The following CCDC144A variants were observed in gnomAD, a reference collection of about 807,000 sequenced individuals.
CCDC144A encodes the protein coiled-coil domain containing 144A.
A neutral mutation model predicts 143.8 loss-of-function variants in CCDC144A; 41 were observed. That is an observed-to-expected ratio of 0.29 (90% CI 0.22 to 0.37). The LOEUF is 0.37. Among genes scored for constraint, CCDC144A ranks in the 10% least tolerant of loss-of-function variants. The probability of loss-of-function intolerance (pLI) is 1.00; values close to 1 mark genes in which losing one functional copy is unlikely to be tolerated. For synonymous variants in CCDC144A, 242 were observed against 517.9 expected, an observed-to-expected ratio of 0.47 and a Z score of 7.23; for missense variants, 637 against 1,488.8, an observed-to-expected ratio of 0.43 and a Z score of 9.41.
chr17:16,713,764 AG>A (rs1162602110), intron 6 of CCDC144A, among the ~76,000 whole-genome samples: 4 of 152,224 alleles, frequency 2.6e-5, no homozygotes, highest in African/African-American at 9.6e-5. Flanking sequence ...AAACTTTTAA[AG>A]GGTAAAAATA....
intron 9 of CCDC144A, among the ~76,000 whole-genome samples, chr17:16,729,975 T>C (rs1913649384): frequency 7.4e-6 from 1 of 134,304 alleles, no homozygotes; most frequent in Non-Finnish European, 1.6e-5. Context: ...TATATATATA[T>C]ATATATATAT....
the CCDC144A span, among the ~76,000 whole-genome samples, chr17:16,671,189 G>T: frequency 7.2e-5 from 11 of 151,980 alleles, no homozygotes; most frequent in Non-Finnish European, 1.5e-4. Flanking sequence ...TGCCATGTTG[G>T]CCAGGTTGGT....
chr17:16,725,513 A>C (rs1913365078), intron 8 of CCDC144A, among the ~76,000 whole-genome samples: 1 of 151,600 alleles, frequency 6.6e-6, no homozygotes, highest in South Asian at 2.1e-4. Flanking sequence ...ATATGGCATA[A>C]GAAAATTATG....
chr17:16,771,117 T>A (rs1203677814), intron 15 of CCDC144A, among the ~76,000 whole-genome samples: 1 of 152,166 alleles, frequency 6.6e-6, no homozygotes, highest in African/African-American at 2.4e-5. Flanking sequence ...TAAAAAAAAA[T>A]TAAATAAGAG....
At chr17:16,750,816 C>T (rs551218191) in intron 12 of CCDC144A, among the ~76,000 whole-genome samples, 10 of 152,004 alleles carry the variant, frequency 6.6e-5, no homozygotes, top group South Asian at 6.2e-4. Flanking sequence ...TCCTTCCCTC[C>T]GCTTGGTCTC....
intron 12 of CCDC144A, among the ~76,000 whole-genome samples, chr17:16,741,979 T>C (rs190510451): frequency 6.6e-6 from 1 of 152,004 alleles, no homozygotes; most frequent in Non-Finnish European, 1.5e-5. Context: ...ATCCCAGCTG[T>C]TTGGGAGGCT....
At chr17:16,738,667 C>A (rs1914130757) in intron 12 of CCDC144A, among the ~76,000 whole-genome samples, 1 of 152,084 alleles carries the variant, frequency 6.6e-6, no homozygotes, top group South Asian at 2.1e-4. Flanking sequence ...ATGGACATAC[C>A]ACTAATTTAT....
chr17:16,734,164 A>C (rs1422885448), intron 11 of CCDC144A, among the ~76,000 whole-genome samples: 2 of 151,634 alleles, frequency 1.3e-5, no homozygotes, highest in Non-Finnish European at 2.9e-5. Context: ...AAAAAGCCTA[A>C]TATAATGCTT....
In CCDC144A at chr17:16,777,227, C is replaced by T. The variant is rs1916030104; in HGVS notation, c.*3594C>T. The T allele has an allele frequency of 7.1e-6, 1 of 141,236 alleles. No homozygotes were observed. Among genetic ancestry groups the T allele is most frequent in the Non-Finnish European group, 1.5e-5 (1 of 65,624 alleles). 8.7% of individuals were successfully genotyped at this position (141,236 alleles called of 1,614,324 possible). On this transcript the variant is annotated 3_prime_UTR_variant, in exon 17 of 17. Transcript: ENST00000399273. ...AATTTATAAAACAATTACTACTAGACATAAGAAATGAGGTAGTTGGCAACA... is the reference window on the plus strand; with the variant it reads ...AATTTATAAAACAATTACTACTAGATATAAGAAATGAGGTAGTTGGCAACA...
At chr17:16,768,031 TTCCAG>T (rs1156836347) in intron 15 of CCDC144A, among the ~76,000 whole-genome samples, 2 of 152,400 alleles carry the variant, frequency 1.3e-5, no homozygotes, top group African/African-American at 4.8e-5. Flanking sequence ...TTACAAAGTT[TTCCAG>T]AGCTTATATA....
intron 5 of CCDC144A, among the ~76,000 whole-genome samples, 171 bp from the exon 6 acceptor site, chr17:16,711,508 T>C (rs1477037287): frequency 1.3e-5 from 2 of 152,120 alleles, no homozygotes; most frequent in African/African-American, 4.8e-5. Flanking sequence ...ATTATAATTA[T>C]ATGATGATAG....
At chr17:16,670,717 C>T in the CCDC144A span, among the ~76,000 whole-genome samples, 1 of 151,942 alleles carries the variant, frequency 6.6e-6, no homozygotes, top group East Asian at 1.9e-4. Flanking sequence ...CCATGGTGTC[C>T]AGGCTGATCT....
At chr17:16,746,948 T>A (rs1300130991) in intron 12 of CCDC144A, among the ~76,000 whole-genome samples, 2 of 147,738 alleles carry the variant, frequency 1.4e-5, no homozygotes, top group East Asian at 4.2e-4. Context: ...TTTGTTGCAA[T>A]TGCTTTTGAG....
the CCDC144A span, among the ~76,000 whole-genome samples, chr17:16,670,777 G>T: frequency 0.057 from 8,632 of 151,980 alleles, 400 homozygotes; most frequent in Middle Eastern, 0.17. Flanking sequence ...CAAAAGGGCC[G>T]GGATTAAAAA....
At chr17:16,682,901 T>TG in the CCDC144A span, among the ~76,000 whole-genome samples, 29 of 120,558 alleles carry the variant, frequency 2.4e-4, no homozygotes, top group Middle Eastern at 3.8e-3. Context: ...TTTTTTTTTT[T>TG]TTTTTTTTTT....
chr17:16,671,805 C>A, the CCDC144A span, among the ~76,000 whole-genome samples: 1 of 152,066 alleles, frequency 6.6e-6, no homozygotes, highest in African/African-American at 2.4e-5. Context: ...ACCTATTTCA[C>A]AATTCTGAGA....
At chr17:16,749,595 T>C (rs1012293691) in intron 12 of CCDC144A, among the ~76,000 whole-genome samples, 16 of 152,360 alleles carry the variant, frequency 1.1e-4, no homozygotes, top group Admixed American at 1.0e-3. Context: ...TGTAGATGTC[T>C]GTTAGGTCCA....
chr17:16,675,951 T>C, the CCDC144A span, among the ~76,000 whole-genome samples: 1 of 151,626 alleles, frequency 6.6e-6, no homozygotes, highest in Non-Finnish European at 1.5e-5. Flanking sequence ...GGTTTCACCG[T>C]GATAGCCAAG....
rs1216206924 is a variant in CCDC144A at position 16,775,552 on chromosome 17, GTT to G, written c.*1927_*1928del. The G allele has an allele frequency of 1.3e-5, 2 of 152,014 alleles. No homozygotes were observed. The highest frequency in any genetic ancestry group is 2.9e-5 in the Non-Finnish European group (2 of 67,996). 9.4% of individuals were successfully genotyped at this position (152,014 alleles called of 1,614,324 possible). A position where few individuals can be genotyped will look rare whatever the true frequency, so the allele number is the denominator to read the frequency against. ...TTTGACCACTTTCTAATGGGGTTGA[GTT>G]TTTTTTTCTTGTAAATTTGTTTAAG... On this transcript the variant is annotated 3_prime_UTR_variant, in exon 17 of 17. Coordinates refer to ENST00000399273, the MANE Select transcript of CCDC144A (RefSeq NM_001382000.1).
Sources: gnomAD v4.1 joint callset for allele counts (sites outside exome capture counted in the v4.1 genomes callset) on GRCh38, gnomAD v4.1.1 for gene constraint, MANE v1.5 for transcripts, NCBI Gene and HGNC (gene_info 2026-07-23, HGNC 2026-07-21) for gene names.